ABCG2: variants seen among roughly 807,000 people sequenced by gnomAD.
ABCG2 encodes the protein ATP binding cassette subfamily G member 2 (JR blood group), also known as broad substrate specificity ATP-binding cassette transporter ABCG2.
A neutral mutation model predicts 73.5 loss-of-function variants in ABCG2; 80 were observed. The ratio of observed to expected loss-of-function variants is 1.09; its 90% CI spans 0.91 to 1.31. The LOEUF is 1.31. Among genes scored for constraint, ABCG2 ranks in the 50% most tolerant of loss-of-function variants. The probability of loss-of-function intolerance (pLI) is 0.00; values close to 1 mark genes in which losing one functional copy is unlikely to be tolerated. For synonymous variants in ABCG2, 269 were observed against 282.4 expected, an observed-to-expected ratio of 0.95 and a Z score of 0.48; for missense variants, 796 against 786.2, an observed-to-expected ratio of 1.01 and a Z score of -0.15.
chr4:88,125,012 G>A (rs1724284296), intron 5 of ABCG2, among the ~76,000 whole-genome samples: 1 of 152,086 alleles, frequency 6.6e-6, no homozygotes. Context: ...CTCACTCAAG[G>A]CCAGGCGTGG....
intron 10 of ABCG2, among the ~76,000 whole-genome samples, chr4:88,103,356 G>T (rs552567906): frequency 6.6e-6 from 1 of 152,162 alleles, no homozygotes; most frequent in South Asian, 2.1e-4. Context: ...TCTTATTAAG[G>T]AAGTTAATTC....
At chr4:88,163,844 TC>T (rs1002991589), upstream of ABCG2, 2 of 208,498 alleles carry the variant, frequency 9.6e-6, no homozygotes, top group African/African-American at 4.7e-5. Flanking sequence ...GTGCAGTTGT[TC>T]AGAAAATGTA....
At chr4:88,204,248 C>T (rs980871850) in intron 1 of ABCG2, among the ~76,000 whole-genome samples, 2 of 152,026 alleles carry the variant, frequency 1.3e-5, no homozygotes, top group Admixed American at 6.6e-5. Flanking sequence ...GGTGAAACCC[C>T]GTCTCTAGTA....
intron 10 of ABCG2, among the ~76,000 whole-genome samples, chr4:88,104,372 T>C (rs1722634683): frequency 6.6e-6 from 1 of 152,216 alleles, no homozygotes; most frequent in African/African-American, 2.4e-5. Flanking sequence ...TTTGAGAACC[T>C]GTTTCCAGAG....
chr4:88,197,303 G>T (rs934838026), intron 1 of ABCG2, among the ~76,000 whole-genome samples: 2 of 152,078 alleles, frequency 1.3e-5, no homozygotes, highest in Non-Finnish European at 2.9e-5. Context: ...ATCAGAGTGG[G>T]AATTAAAAAT....
At chr4:88,152,670 A>G (rs900112055) in intron 1 of ABCG2, among the ~76,000 whole-genome samples, 2 of 152,146 alleles carry the variant, frequency 1.3e-5, no homozygotes, top group African/African-American at 4.8e-5. Context: ...AACCATCTGG[A>G]TGTATATGTG....
At chr4:88,154,371 A>C (rs932410819) in intron 1 of ABCG2, among the ~76,000 whole-genome samples, 1 of 152,212 alleles carries the variant, frequency 6.6e-6, no homozygotes, top group Admixed American at 6.5e-5. Flanking sequence ...ATAGTGGTGC[A>C]GGATATGGAA....
intron 13 of ABCG2, 132 bp from the exon 14 acceptor site, chr4:88,095,741 C>A: frequency 1.4e-6 from 1 of 690,046 alleles, no homozygotes. Context: ...GAAGTTCTCT[C>A]CACTTACTCA....
chr4:88,188,874 TTGG>T (rs1224999250), intron 1 of ABCG2, among the ~76,000 whole-genome samples: 7 of 151,934 alleles, frequency 4.6e-5, no homozygotes, highest in Non-Finnish European at 8.8e-5. Flanking sequence ...TTAGCTGGTC[TTGG>T]TGGTGCACGC....
At chr4:88,160,731 C>A (rs866314146), upstream of ABCG2, among the ~76,000 whole-genome samples, 2 of 151,540 alleles carry the variant, frequency 1.3e-5, no homozygotes, top group Non-Finnish European at 1.5e-5. Flanking sequence ...TGCCTGTAAT[C>A]CCAGCTACCC....
chr4:88,127,342 G>A (rs1010267861), intron 5 of ABCG2, among the ~76,000 whole-genome samples: 2 of 152,080 alleles, frequency 1.3e-5, no homozygotes, highest in African/African-American at 2.4e-5. Context: ...TGGCCATACT[G>A]CCCAAAGTAA....
chr4:88,186,648 G>A (rs1288663277), intron 1 of ABCG2, among the ~76,000 whole-genome samples: 1 of 151,968 alleles, frequency 6.6e-6, no homozygotes, highest in African/African-American at 2.4e-5. Flanking sequence ...GGCCGGGCGC[G>A]GTGGCTCACG....
At chr4:88,194,868 T>G (rs936923505) in intron 1 of ABCG2, among the ~76,000 whole-genome samples, 3 of 152,012 alleles carry the variant, frequency 2.0e-5, no homozygotes, top group African/African-American at 7.2e-5. Flanking sequence ...AGCCCGATGG[T>G]GTAAGGCCTG....
intron 1 of ABCG2, among the ~76,000 whole-genome samples, chr4:88,228,081 G>T (rs1321653374): frequency 2.6e-5 from 4 of 152,182 alleles, no homozygotes; most frequent in Non-Finnish European, 5.9e-5. Context: ...GATAATGTAT[G>T]GGACAGTGCT....
At chr4:88,108,579 T>C (rs1722914300) in intron 9 of ABCG2, among the ~76,000 whole-genome samples, 1 of 151,892 alleles carries the variant, frequency 6.6e-6, no homozygotes, top group South Asian at 2.1e-4. Flanking sequence ...GAAATGGTAA[T>C]CTAAAGAAGA....
At chr4:88,131,321 A>G in intron 4 of ABCG2, 108 bp from the exon 5 acceptor site, 1 of 1,208,872 alleles carries the variant, frequency 8.3e-7, no homozygotes, top group Non-Finnish European at 1.2e-6. Flanking sequence ...TAACTAAGGT[A>G]AAGTTCTAGC....
intron 1 of ABCG2, among the ~76,000 whole-genome samples, chr4:88,208,522 CAG>C (rs1180337863): frequency 6.6e-6 from 1 of 152,186 alleles, no homozygotes; most frequent in Non-Finnish European, 1.5e-5. Flanking sequence ...ACCAAAATTA[CAG>C]AGTCTCAGAA....
intron 2 of ABCG2, among the ~76,000 whole-genome samples, chr4:88,137,737 C>T (rs1725351352): frequency 6.6e-6 from 1 of 152,134 alleles, no homozygotes; most frequent in Non-Finnish European, 1.5e-5. Context: ...ACAGCCTGCA[C>T]TCACACGGTT....
chr4:88,115,960 C>T (rs1047281138), intron 7 of ABCG2, among the ~76,000 whole-genome samples: 11 of 152,138 alleles, frequency 7.2e-5, no homozygotes, highest in African/African-American at 1.9e-4. Flanking sequence ...TTCGGGAGGC[C>T]GAGACCAGCA....
Sources: gnomAD v4.1 joint callset for allele counts (sites outside exome capture counted in the v4.1 genomes callset) on GRCh38, gnomAD v4.1.1 for gene constraint, MANE v1.5 for transcripts, NCBI Gene and HGNC (gene_info 2026-07-23, HGNC 2026-07-21) for gene names.